Variants in ADAMTSL1 observed in about 807,000 individuals in gnomAD.
The protein encoded by ADAMTSL1 is ADAMTS like 1.
ADAMTSL1 carries 126 observed loss-of-function variants against 201.8 expected under a neutral mutation model. The ratio of observed to expected loss-of-function variants is 0.62; its 90% CI spans 0.54 to 0.72. ADAMTSL1 has a LOEUF of 0.72. Among genes scored for constraint, ADAMTSL1 ranks in the 30% least tolerant of loss-of-function variants. The pLI, the probability that ADAMTSL1 is intolerant of heterozygous loss-of-function variation, is 0.00. For missense variants in ADAMTSL1, 2,679 were observed against 2,277.8 expected (o/e 1.18, Z -3.59); for synonymous variants, 1,121 against 903.4 (o/e 1.24, Z -4.32).
At chr9:18,503,294 G>A (rs1587394489) in intron 1 of ADAMTSL1, among the ~76,000 whole-genome samples, 1 of 151,478 alleles carries the variant, frequency 6.6e-6, no homozygotes, top group Non-Finnish European at 1.5e-5. Flanking sequence ...CTCAGTAAGT[G>A]GAATCATGCA....
chr9:18,773,098 G>A (rs1820787528), intron 17 of ADAMTSL1, among the ~76,000 whole-genome samples: 1 of 152,182 alleles, frequency 6.6e-6, no homozygotes, highest in Non-Finnish European at 1.5e-5. Flanking sequence ...GATGAGATGT[G>A]CATGCCACAC....
intron 1 of ADAMTSL1, among the ~76,000 whole-genome samples, chr9:18,132,991 G>A (rs1826013065): frequency 6.6e-6 from 1 of 152,126 alleles, no homozygotes; most frequent in Non-Finnish European, 1.5e-5. Context: ...ACAGTACTAA[G>A]GAGCTAGTGT....
intron 28 of ADAMTSL1, chr9:18,907,300 T>A (rs899258712): frequency 9.0e-6 from 2 of 222,522 alleles, no homozygotes; most frequent in Admixed American, 1.1e-4. Flanking sequence ...GAGCACAGAG[T>A]GCCTCCTGCT....
intron 1 of ADAMTSL1, among the ~76,000 whole-genome samples, chr9:17,932,686 A>G (rs1260875922): frequency 6.6e-6 from 1 of 152,174 alleles, no homozygotes; most frequent in Admixed American, 6.6e-5. Flanking sequence ...GGGTGGGGAT[A>G]AATATATTCC....
intron 2 of ADAMTSL1, among the ~76,000 whole-genome samples, chr9:18,193,967 T>C (rs1829074140): frequency 6.6e-6 from 1 of 152,186 alleles, no homozygotes. Flanking sequence ...TGCTATTTAG[T>C]AGCTTCTTTT....
intron 2 of ADAMTSL1, among the ~76,000 whole-genome samples, chr9:18,245,915 A>T (rs1169021177): frequency 6.6e-6 from 1 of 152,134 alleles, no homozygotes; most frequent in Non-Finnish European, 1.5e-5. Flanking sequence ...TCACCATTTT[A>T]TTTTTTGTGG....
chr9:18,710,666 G>GTTTTTTTTTTTTTT (rs1425680179), intron 14 of ADAMTSL1, among the ~76,000 whole-genome samples: 1 of 92,618 alleles, frequency 1.1e-5, no homozygotes, highest in African/African-American at 3.9e-5. Context: ...CCTAAGTTTT[G>GTTTTTTTTTTTTTT]TTTTGTTTTT....
intron 2 of ADAMTSL1, among the ~76,000 whole-genome samples, chr9:18,250,355 G>A (rs1205528338): frequency 6.6e-6 from 1 of 152,160 alleles, no homozygotes; most frequent in Non-Finnish European, 1.5e-5. Context: ...TTGAATGCCT[G>A]TTCCTGACTC....
intron 2 of ADAMTSL1, among the ~76,000 whole-genome samples, chr9:18,286,377 A>T (rs761433888): frequency 6.6e-6 from 1 of 152,198 alleles, no homozygotes; most frequent in African/African-American, 2.4e-5. Flanking sequence ...ATACATGATG[A>T]TGATAAACTT....
At chr9:18,220,205 G>C (rs1488530829) in intron 2 of ADAMTSL1, among the ~76,000 whole-genome samples, 1 of 151,986 alleles carries the variant, frequency 6.6e-6, no homozygotes, top group African/African-American at 2.4e-5. Context: ...GTTTAGATAT[G>C]ATCCAGTTTT....
At chr9:18,218,386 CAT>C (rs1491172738) in intron 2 of ADAMTSL1, among the ~76,000 whole-genome samples, 2 of 152,088 alleles carry the variant, frequency 1.3e-5, no homozygotes, top group Non-Finnish European at 2.9e-5. Context: ...TTACTGTAAT[CAT>C]TTTTTCTGTC....
intron 2 of ADAMTSL1, among the ~76,000 whole-genome samples, chr9:18,411,599 C>T (rs7854546): frequency 0.46 from 69,952 of 152,016 alleles, 16,384 homozygotes; most frequent in South Asian, 0.5. Context: ...TTATCAGAAT[C>T]GTTATATATA....
chr9:18,324,052 G>A (rs781288742), intron 2 of ADAMTSL1, among the ~76,000 whole-genome samples: 1 of 152,068 alleles, frequency 6.6e-6, no homozygotes, highest in Non-Finnish European at 1.5e-5. Flanking sequence ...AGATTAAATA[G>A]GATTTATACT....
At chr9:18,046,638 C>T (rs572178295) in intron 1 of ADAMTSL1, among the ~76,000 whole-genome samples, 1 of 152,192 alleles carries the variant, frequency 6.6e-6, no homozygotes, top group South Asian at 2.1e-4. Flanking sequence ...TTTTGAATCC[C>T]TGTACTCTTA....
chr9:18,028,045 T>C (rs1177689743), intron 1 of ADAMTSL1, among the ~76,000 whole-genome samples: 1 of 152,152 alleles, frequency 6.6e-6, no homozygotes, highest in Non-Finnish European at 1.5e-5. Context: ...CTGCTCTCTT[T>C]GTTTTCCGTT....
chr9:18,241,654 A>G (rs1169293287), intron 2 of ADAMTSL1, among the ~76,000 whole-genome samples: 1 of 152,204 alleles, frequency 6.6e-6, no homozygotes, highest in African/African-American at 2.4e-5. Context: ...AAAAAGGAAA[A>G]GGCTCAAATG....
At chr9:18,283,359 C>A (rs1051684849) in intron 2 of ADAMTSL1, among the ~76,000 whole-genome samples, 6 of 151,966 alleles carry the variant, frequency 3.9e-5, no homozygotes. Flanking sequence ...AATGCCAGCA[C>A]TTTGGGAGGC....
In ADAMTSL1 at chr9:18,880,751, A is replaced by AAGAG. The variant is rs1255675241; in HGVS notation, c.4250-7077_4250-7074dup. 3.3e-5 allele frequency among the ~76,000 whole-genome samples: 5 copies of AAGAG among 152,278 alleles called. No individual in the cohort carries two copies. In the East Asian group the frequency reaches 9.6e-4, roughly 29 times the overall value. On this transcript the variant is annotated intron_variant, in intron 23 of 28. Transcript: ENST00000380548. ...GTCACCAGGTGCATTATCCCCTAAC[A>AAGAG]AGAGAGTCAGCCTGTCCTTTGAAGC...
At chr9:18,650,708 A>C (rs886508108) in intron 7 of ADAMTSL1, among the ~76,000 whole-genome samples, 1 of 152,134 alleles carries the variant, frequency 6.6e-6, no homozygotes, top group Non-Finnish European at 1.5e-5. Context: ...TTAAAACTAG[A>C]CTGAATTCTC....
Sources: gnomAD v4.1 joint callset for allele counts (sites outside exome capture counted in the v4.1 genomes callset) on GRCh38, gnomAD v4.1.1 for gene constraint, MANE v1.5 for transcripts, NCBI Gene and HGNC (gene_info 2026-07-23, HGNC 2026-07-21) for gene names.